ZCCHC24: variants seen among roughly 807,000 people sequenced by gnomAD.
ZCCHC24 encodes the protein zinc finger CCHC-type containing 24.
In ZCCHC24, 10 loss-of-function variants were observed where a neutral mutation model predicts 26.2. The observed-to-expected ratio is 0.38, with a 90% CI of 0.24 to 0.65. ZCCHC24 has a LOEUF of 0.65. ZCCHC24 is among the 30% of genes least tolerant of loss of function. The pLI is 0.54. For missense variants in ZCCHC24, 243 were observed against 329.1 expected, an observed-to-expected ratio of 0.74 and a Z score of 2.03; for synonymous variants, 144 against 147.1, an observed-to-expected ratio of 0.98 and a Z score of 0.15.
intron 2 of ZCCHC24, among the ~76,000 whole-genome samples, chr10:79,396,502 G>C (rs1856548884): frequency 6.6e-6 from 1 of 152,190 alleles, no homozygotes; most frequent in East Asian, 1.9e-4. Flanking sequence ...ACCAACTAGA[G>C]CTGAATTTAC....
intron 2 of ZCCHC24, among the ~76,000 whole-genome samples, chr10:79,408,381 T>C (rs1856746158): frequency 6.6e-6 from 1 of 152,176 alleles, no homozygotes; most frequent in Non-Finnish European, 1.5e-5. Context: ...GCTTGATGCC[T>C]GGATCCCAGG....
At chr10:79,410,270 T>C (rs572774903) in intron 2 of ZCCHC24, among the ~76,000 whole-genome samples, 1 of 152,368 alleles carries the variant, frequency 6.6e-6, no homozygotes, top group Non-Finnish European at 1.5e-5. Flanking sequence ...TCAATTTCTT[T>C]ACTATTTGTC....
chr10:79,444,733 A>G (rs924341599), intron 1 of ZCCHC24, among the ~76,000 whole-genome samples: 1 of 152,180 alleles, frequency 6.6e-6, no homozygotes, highest in African/African-American at 2.4e-5. Context: ...AAAAGATTTT[A>G]GGCCCTTCCA....
chr10:79,433,995 T>C (rs1327662624), intron 1 of ZCCHC24, among the ~76,000 whole-genome samples: 1 of 152,224 alleles, frequency 6.6e-6, no homozygotes, highest in Non-Finnish European at 1.5e-5. Flanking sequence ...GCCACCCAAC[T>C]GTATCCATCT....
Position 79,428,462 on chromosome 10 carries a change from TGCAAGATAAATTTCAG to T in ZCCHC24, c.447+4080_447+4095del, listed in dbSNP as rs1391155983. Among the ~76,000 whole-genome samples the T allele has an allele frequency of 7.1e-5, 4 of 56,214 alleles. 1 individual carries two copies. The highest frequency in any genetic ancestry group is 3.6e-4 in the South Asian group (1 of 2,760). The allele number at this position is 56,214 out of a possible 152,430, so 36.9% of individuals were successfully genotyped here. ...AGTTTTGCAAGATAAATTTCAGTTT[TGCAAGATAAATTTCAG>T]TTTTGCAAGATAAAAAGAGCTCTGT... On this transcript the variant is annotated intron_variant, in intron 2 of 3. Transcript: ENST00000372336.
At chr10:79,429,780 A>T (rs886923724) in intron 2 of ZCCHC24, among the ~76,000 whole-genome samples, 3 of 152,204 alleles carry the variant, frequency 2.0e-5, no homozygotes, top group Non-Finnish European at 2.9e-5. Context: ...TTCTACTTTT[A>T]AATATTATAG....
chr10:79,426,731 A>G (rs575535800), intron 2 of ZCCHC24, among the ~76,000 whole-genome samples: 102 of 152,376 alleles, frequency 6.7e-4, no homozygotes, highest in African/African-American at 2.4e-3. Context: ...TAGAAAATCA[A>G]TGCAAAAGAA....
intron 2 of ZCCHC24, among the ~76,000 whole-genome samples, chr10:79,401,854 G>A (rs1189548462): frequency 6.6e-6 from 1 of 152,236 alleles, no homozygotes; most frequent in Non-Finnish European, 1.5e-5. Flanking sequence ...GAACAGATGG[G>A]CTGCCTGCTG....
Position 79,445,468 on chromosome 10 carries a change from C to T in ZCCHC24, c.-28G>A. ...TGTGGCGGCGGTGCCGGCCCCTCCC[C>T]GGCCGCCCGCTCGCGGCCCCCCTCC... is the stretch of plus-strand genomic sequence containing the variant. On this transcript the variant is annotated 5_prime_UTR_variant, in exon 1 of 4. Transcript: ENST00000372336. The T allele has an allele frequency of 2.2e-6, 3 of 1,356,240 alleles. No homozygotes were observed. The highest frequency in any genetic ancestry group is 2.9e-6 in the Non-Finnish European group (3 of 1,046,164). The allele number at this position is 1,356,240 out of a possible 1,614,324, so 84.0% of individuals were successfully genotyped here.
chr10:79,430,924 T>C (rs984097230), intron 2 of ZCCHC24, among the ~76,000 whole-genome samples: 6 of 152,192 alleles, frequency 3.9e-5, no homozygotes, highest in East Asian at 1.9e-4. Context: ...AGCTCTTCCA[T>C]TGATAGCTCA....
chr10:79,436,051 C>T (rs1241035785), intron 1 of ZCCHC24, among the ~76,000 whole-genome samples: 2 of 152,216 alleles, frequency 1.3e-5, no homozygotes, highest in Non-Finnish European at 2.9e-5. Flanking sequence ...GGTCCAGACA[C>T]CCGGGTCCTG....
intron 2 of ZCCHC24, among the ~76,000 whole-genome samples, chr10:79,395,075 A>G (rs2132178707): frequency 6.6e-6 from 1 of 152,252 alleles, no homozygotes; most frequent in South Asian, 2.1e-4. Flanking sequence ...CTAAAGATTT[A>G]TCTTATTTTA....
chr10:79,417,920 C>A (rs903111450), intron 2 of ZCCHC24, among the ~76,000 whole-genome samples: 6 of 152,174 alleles, frequency 3.9e-5, no homozygotes, highest in African/African-American at 1.2e-4. Flanking sequence ...GTCCTCTAAC[C>A]CACAGGCTGG....
chr10:79,417,499 G>A (rs369164404), intron 2 of ZCCHC24, among the ~76,000 whole-genome samples: 2 of 152,238 alleles, frequency 1.3e-5, no homozygotes, highest in Non-Finnish European at 2.9e-5. Context: ...ACCCCCATCC[G>A]TTGTTGTGGG....
intron 2 of ZCCHC24, among the ~76,000 whole-genome samples, chr10:79,427,711 A>G (rs1857052989): frequency 6.6e-6 from 1 of 152,174 alleles, no homozygotes; most frequent in Non-Finnish European, 1.5e-5. Flanking sequence ...AGCTGTAATT[A>G]TCTACATTGA....
At position 79,386,473 on chromosome 10, in the gene ZCCHC24, A is replaced by G. The variant is rs1856398640; in HGVS notation, c.613-15T>C. Reference sequence around the variant, plus strand: ...TCCAGGGGTCTCTGCAGAGAGAAGGAGGAAGGGGCCCAGGGGAGTGAGGGG... The same window carrying G: ...TCCAGGGGTCTCTGCAGAGAGAAGGGGGAAGGGGCCCAGGGGAGTGAGGGG... On this transcript the variant is annotated splice_polypyrimidine_tract_variant and intron_variant, in intron 3 of 3. Transcript: ENST00000372336. The G allele has an allele frequency of 6.3e-7, 1 of 1,580,632 alleles. No homozygotes were observed. The highest frequency in any genetic ancestry group is 1.1e-5 in the South Asian group (1 of 88,802).
intron 2 of ZCCHC24, among the ~76,000 whole-genome samples, chr10:79,424,226 T>C (rs915590551): frequency 2.0e-5 from 3 of 152,208 alleles, no homozygotes; most frequent in Admixed American, 1.3e-4. Context: ...CTTCACCAAC[T>C]GCAACACAAG....
rs1347897701 is a variant in ZCCHC24 at position 79,445,546 on chromosome 10, C to G, written c.-106G>C. The G allele has an allele frequency of 9.6e-7, 1 of 1,041,502 alleles. No homozygotes were observed. The highest frequency in any genetic ancestry group is 1.7e-5 in the African/African-American group (1 of 59,464). The allele number at this position is 1,041,502 out of a possible 1,614,324, so 64.5% of individuals were successfully genotyped here. ...CTGTGCCCACTGCCCGCCTCCCGAG[C>G]CCCGACGGTGATCGCCCCGCGCCCT... On this transcript the variant is annotated 5_prime_UTR_variant, in exon 1 of 4. Coordinates refer to ENST00000372336, the MANE Select transcript of ZCCHC24 (RefSeq NM_153367.4).
intron 1 of ZCCHC24, among the ~76,000 whole-genome samples, chr10:79,441,463 T>C (rs1857290693): frequency 1.3e-5 from 2 of 152,094 alleles, no homozygotes; most frequent in Admixed American, 6.5e-5. Context: ...GGAGGTTCAT[T>C]GCTGCAGAGG....
Sources: gnomAD v4.1 joint callset for allele counts (sites outside exome capture counted in the v4.1 genomes callset) on GRCh38, gnomAD v4.1.1 for gene constraint, MANE v1.5 for transcripts, NCBI Gene and HGNC (gene_info 2026-07-23, HGNC 2026-07-21) for gene names.